The following VTI1A variants were observed in gnomAD, a reference collection of about 807,000 sequenced individuals.
VTI1A encodes the protein vesicle transport through interaction with t-SNAREs homolog 1A.
In VTI1A, 22 loss-of-function variants were observed where a neutral mutation model predicts 34.9. The observed-to-expected ratio is 0.63, with a 90% CI of 0.45 to 0.90. The LOEUF is 0.90. Among genes scored for constraint, VTI1A ranks in the 40% least tolerant of loss-of-function variants. The pLI is 0.00. For missense variants in VTI1A, 268 were observed against 275.6 expected (o/e 0.97, Z 0.20); for synonymous variants, 87 against 97.3 (o/e 0.89, Z 0.62).
intron 7 of VTI1A, among the ~76,000 whole-genome samples, chr10:112,738,825 A>G (rs2133972838): frequency 6.6e-6 from 1 of 152,328 alleles, no homozygotes; most frequent in East Asian, 1.9e-4. Context: ...GCCAGTAGGG[A>G]AAGCCTTGAG....
intron 7 of VTI1A, among the ~76,000 whole-genome samples, chr10:112,755,082 C>G (rs1228984615): frequency 6.6e-6 from 1 of 151,968 alleles, no homozygotes; most frequent in Non-Finnish European, 1.5e-5. Context: ...GGGCGAAACC[C>G]TGTCTATACT....
At chr10:112,789,018 A>G (rs965996195) in intron 7 of VTI1A, among the ~76,000 whole-genome samples, 1 of 152,276 alleles carries the variant, frequency 6.6e-6, no homozygotes, top group African/African-American at 2.4e-5. Flanking sequence ...AAACCCAACA[A>G]TACAAAATTA....
intron 3 of VTI1A, among the ~76,000 whole-genome samples, chr10:112,526,858 A>G (rs1331401917): frequency 1.3e-5 from 2 of 152,190 alleles, no homozygotes; most frequent in Non-Finnish European, 2.9e-5. Flanking sequence ...TTATGAATAG[A>G]ATACACAATG....
In VTI1A at chr10:112,606,773, T is replaced by C. The variant is rs112662318; in HGVS notation, c.428-61445T>C. Among the ~76,000 whole-genome samples, 1,480 of 152,290 alleles carry C rather than the reference T, an allele frequency of 9.7e-3. 11 individuals are homozygous for C. The highest frequency in any genetic ancestry group is 0.017 in the Non-Finnish European group (1,160 of 68,022). On this transcript the variant is annotated intron_variant, in intron 5 of 7. Coordinates refer to ENST00000393077, the MANE Select transcript of VTI1A (RefSeq NM_145206.4). ...GAAAAGAACTAGAGGGAAGACTCAC[T>C]TTTCTGTTTCCTTGTTAAATTTTGT...
At chr10:112,592,456 A>T (rs549209053) in intron 5 of VTI1A, among the ~76,000 whole-genome samples, 2 of 152,306 alleles carry the variant, frequency 1.3e-5, no homozygotes, top group South Asian at 4.1e-4. Flanking sequence ...GGCTTCTGGG[A>T]AAGCCCCAAT....
chr10:112,830,847 A>ATTTTTTTTTTTTTTTTTTTTT, the VTI1A span, among the ~76,000 whole-genome samples: 2 of 31,002 alleles, frequency 6.5e-5, no homozygotes, highest in African/African-American at 1.8e-4. Context: ...ATATATATAT[A>ATTTTTTTTTTTTTTTTTTTTT]TATTTTTTTT....
At chr10:112,721,898 G>T (rs752133463) in intron 7 of VTI1A, among the ~76,000 whole-genome samples, 1 of 152,180 alleles carries the variant, frequency 6.6e-6, no homozygotes, top group Non-Finnish European at 1.5e-5. Flanking sequence ...CATCTGGAAG[G>T]ATCTTGCAGA....
At chr10:112,632,551 C>T (rs1846170142) in intron 5 of VTI1A, among the ~76,000 whole-genome samples, 1 of 152,200 alleles carries the variant, frequency 6.6e-6, no homozygotes, top group Non-Finnish European at 1.5e-5. Context: ...ATCCAGACTC[C>T]ACCATGGGGA....
intron 5 of VTI1A, among the ~76,000 whole-genome samples, chr10:112,613,930 C>A (rs1845415529): frequency 6.6e-6 from 1 of 152,206 alleles, no homozygotes; most frequent in South Asian, 2.1e-4. Context: ...CATCAGCCTC[C>A]TGTTAACCAT....
intron 7 of VTI1A, among the ~76,000 whole-genome samples, chr10:112,813,291 C>G (rs909198911): frequency 3.9e-5 from 6 of 152,196 alleles, no homozygotes; most frequent in Non-Finnish European, 1.5e-5. Flanking sequence ...CACAGTTAAT[C>G]CTTTCTAAAT....
chr10:112,655,143 A>G (rs1242825226), intron 5 of VTI1A, among the ~76,000 whole-genome samples: 3 of 152,118 alleles, frequency 2.0e-5, no homozygotes, highest in Non-Finnish European at 4.4e-5. Flanking sequence ...TCCACCCCCC[A>G]TACACACCCG....
chr10:112,707,747 C>T (rs1354908535), intron 7 of VTI1A, among the ~76,000 whole-genome samples: 1 of 152,132 alleles, frequency 6.6e-6, no homozygotes, highest in Admixed American at 6.5e-5. Flanking sequence ...CTCTGATTTG[C>T]TCTTACTTTG....
intron 5 of VTI1A, among the ~76,000 whole-genome samples, chr10:112,661,274 C>A (rs1272254397): frequency 6.6e-6 from 1 of 152,164 alleles, no homozygotes; most frequent in Non-Finnish European, 1.5e-5. Context: ...CATACCATCA[C>A]CTGGCTAATT....
chr10:112,764,112 A>G (rs1430034912), intron 7 of VTI1A, among the ~76,000 whole-genome samples: 3 of 152,188 alleles, frequency 2.0e-5, no homozygotes, highest in East Asian at 1.9e-4. Flanking sequence ...TGCCCGACCT[A>G]TAGCAATGAG....
At chr10:112,518,541 ATCTCTTTCTC>A (rs1564809738) in intron 3 of VTI1A, among the ~76,000 whole-genome samples, 4 of 95,060 alleles carry the variant, frequency 4.2e-5, no homozygotes, top group East Asian at 6.4e-4. Context: ...GAGACCTCAT[ATCTCTTTCTC>A]TCTCTCTCTC....
In VTI1A at chr10:112,817,045, A is replaced by T. The variant is rs755687367; in HGVS notation, c.*1662A>T. ...AGGAAGCTATGCTAATTTTCCTGTCAGCTTAAGGGATCCGTCTCAGCAAGA... is the reference window on the plus strand; with the variant it reads ...AGGAAGCTATGCTAATTTTCCTGTCTGCTTAAGGGATCCGTCTCAGCAAGA... On this transcript the variant is annotated 3_prime_UTR_variant, in exon 8 of 8. Coordinates refer to ENST00000393077, the MANE Select transcript of VTI1A (RefSeq NM_145206.4). The T allele has an allele frequency of 2.6e-5, 6 of 232,410 alleles. No individual in the cohort carries two copies. The highest frequency in any genetic ancestry group is 4.3e-5 in the Non-Finnish European group (5 of 117,574). 14.4% of individuals were successfully genotyped at this position (232,410 alleles called of 1,614,324 possible).
At chr10:112,756,328 G>C (rs1851282170) in intron 7 of VTI1A, among the ~76,000 whole-genome samples, 2 of 152,134 alleles carry the variant, frequency 1.3e-5, no homozygotes, top group Non-Finnish European at 2.9e-5. Flanking sequence ...TGCAGATAAA[G>C]ATCCCGGGCT....
At chr10:112,847,858 G>T in the VTI1A span, among the ~76,000 whole-genome samples, 3 of 152,096 alleles carry the variant, frequency 2.0e-5, no homozygotes, top group Non-Finnish European at 4.4e-5. Flanking sequence ...TCTCTTGGGT[G>T]CCAGACACTG....
chr10:112,833,789 AT>A, the VTI1A span, among the ~76,000 whole-genome samples: 1 of 152,170 alleles, frequency 6.6e-6, no homozygotes, highest in African/African-American at 2.4e-5. Context: ...TACTGGTGCC[AT>A]GTTCAATCCC....
Sources: allele counts gnomAD v4.1 joint callset (sites outside exome capture counted in the v4.1 genomes callset), GRCh38; gene constraint gnomAD v4.1.1; transcripts MANE v1.5; gene names NCBI Gene and HGNC (gene_info 2026-07-23, HGNC 2026-07-21).